The following RYR1 variants were observed in gnomAD, a reference collection of about 807,000 sequenced individuals.
The protein encoded by RYR1 is central core disease of muscle.
A neutral mutation model predicts 583.5 loss-of-function variants in RYR1; 342 were observed. The ratio of observed to expected loss-of-function variants is 0.59; its 90% CI spans 0.54 to 0.64. RYR1 has a LOEUF of 0.64. Among genes scored for constraint, RYR1 ranks in the 30% least tolerant of loss-of-function variants. The pLI is 0.00. For synonymous variants in RYR1, 2,791 were observed against 2,822.5 expected (o/e 0.99, Z 0.35); for missense variants, 6,032 against 6,917.2 (o/e 0.87, Z 4.54).
rs1599677767 is a variant in RYR1 at position 38,586,410 on chromosome 19, C to G, written c.14970-115C>G. 7 of 1,194,608 alleles carry G rather than the reference C, an allele frequency of 5.9e-6. No individual in the cohort carries two copies. The East Asian group carries it at 1.4e-4, about 24-fold the overall frequency. The allele number at this position is 1,194,608 out of a possible 1,614,324, so 74.0% of individuals were successfully genotyped here. A position where few individuals can be genotyped will look rare whatever the true frequency, so the allele number is the denominator to read the frequency against. On this transcript the variant is annotated intron_variant, in intron 104 of 105. Transcript: ENST00000359596. ...CCAAGTGGGGAGGATTACTTGAGGCCAGGAGTTCGAGACCAGCTTGGGCAA... is the reference window on the plus strand; with the variant it reads ...CCAAGTGGGGAGGATTACTTGAGGCGAGGAGTTCGAGACCAGCTTGGGCAA...
chr19:38,513,052 A>C (rs1329818031), intron 63 of RYR1, among the ~76,000 whole-genome samples: 1 of 152,086 alleles, frequency 6.6e-6, no homozygotes, highest in African/African-American at 2.4e-5. Flanking sequence ...GAAAAGTAGC[A>C]CTTGGCCGAG....
Position 38,433,728 on chromosome 19 carries a change from C to CA in RYR1, c.-101dup. On this transcript the variant is annotated 5_prime_UTR_variant, in exon 1 of 106. Transcript: ENST00000359596. Reference sequence around the variant, plus strand: ...ACCTCGCGGGTGCCTCTGGTGTCTCCAGAGGTCTCCGACCCCAGCCCGCCC... The same window carrying CA: ...ACCTCGCGGGTGCCTCTGGTGTCTCCAAGAGGTCTCCGACCCCAGCCCGCCC... 1 of 823,532 alleles carries CA rather than the reference C, an allele frequency of 1.2e-6. No homozygotes were observed. Among genetic ancestry groups the CA allele is most frequent in the Non-Finnish European group, 2.0e-6 (1 of 488,096 alleles). 51.0% of individuals were successfully genotyped at this position (823,532 alleles called of 1,614,324 possible). A position where few individuals can be genotyped will look rare whatever the true frequency, so the allele number is the denominator to read the frequency against.
At chr19:38,461,761 A>G (rs1025145139) in intron 20 of RYR1, among the ~76,000 whole-genome samples, 2 of 148,012 alleles carry the variant, frequency 1.4e-5, no homozygotes, top group African/African-American at 5.0e-5. Context: ...GAGAGAGAGA[A>G]AGAAAGAAAA....
chr19:38,564,967 G>A lies in RYR1; in HGVS notation c.12633G>A (p.Glu4211=). 1.3e-6 allele frequency: 2 copies of A among 1,584,402 alleles called. No individual in the cohort carries two copies. The highest frequency in any genetic ancestry group is 1.2e-5 in the South Asian group (1 of 86,502). The stretch of plus-strand genomic sequence containing the variant: ...GCCGCCCCTCGCTTCAGGTGAAGGA[G>A]TCCAAGCGCCAGTTCATCTTCGACG... ...RAQWEMPQVK[E]SKRQFIFDVV... is the part of the protein sequence containing the mutation. The change falls in exon 91 of 106, where the codon GAG becomes GAA. Residue 4211 remains glutamate, a synonymous_variant. Transcript: ENST00000359596.
chr19:38,506,558 C>T lies in RYR1; in HGVS notation c.8692+12C>T, dbSNP rs777710063. The T allele has an allele frequency of 2.5e-6, 4 of 1,613,468 alleles. No homozygotes were observed. Among genetic ancestry groups the T allele is most frequent in the African/African-American group, 2.7e-5 (2 of 74,892 alleles). On this transcript the variant is annotated intron_variant, in intron 56 of 105. Coordinates refer to ENST00000359596, the MANE Select transcript of RYR1 (RefSeq NM_000540.3). ...GCTGGAAGCCAAAGGTGAGGGCGCC[C>T]ATGCCGCCCCCACGCTACCCCCGTG...
chr19:38,448,221 C>A, intron 9 of RYR1, 134 bp from the exon 10 acceptor site: 1 of 1,019,792 alleles, frequency 9.8e-7, no homozygotes, highest in Non-Finnish European at 1.4e-6. Flanking sequence ...TGCTTGAGCC[C>A]TGGAGTTCAA....
At chr19:38,536,233 C>T (rs1971960152) in intron 82 of RYR1, among the ~76,000 whole-genome samples, 163 bp downstream of exon 82, 1 of 136,462 alleles carries the variant, frequency 7.3e-6, no homozygotes, top group African/African-American at 2.8e-5. Flanking sequence ...CAGTCCCACC[C>T]CCTCCATCCC....
intron 87 of RYR1, among the ~76,000 whole-genome samples, chr19:38,546,225 A>G (rs1600996316): frequency 6.6e-6 from 1 of 150,658 alleles, no homozygotes; most frequent in African/African-American, 2.4e-5. Flanking sequence ...ACTACCCATC[A>G]CCTATCGAGC....
rs562208980 is a variant in RYR1, at chr19:38,523,365, G to A, written c.10440+56G>A. 4 of 1,603,514 alleles carry A rather than the reference G, an allele frequency of 2.5e-6. No homozygotes were observed. The South Asian group carries it at 4.4e-5, about 18-fold the overall frequency. On this transcript the variant is annotated intron_variant, in intron 69 of 105. Coordinates refer to ENST00000359596, the MANE Select transcript of RYR1 (RefSeq NM_000540.3). ...GCAGAGAGGGCGGGAGCACCCTCTAGGACTTCCTACCTGGCCTGTCCTCAC... is the reference window on the plus strand; with the variant it reads ...GCAGAGAGGGCGGGAGCACCCTCTAAGACTTCCTACCTGGCCTGTCCTCAC...
In RYR1 at chr19:38,446,762, G is replaced by A; in HGVS notation, c.794G>A (p.Arg265Lys). The change falls in exon 9 of 106, where the codon AGA becomes AAA. Residue 265 changes from arginine (R) to lysine (K), a missense_variant. By Grantham distance (26) the Arg-to-Lys change is conservative. Transcript: ENST00000359596. ...TCCCTCTGGAGGCTGGAGCCACTGA[G>A]AATCAGGTAGGGCGGGGAAGATGGG... Reference protein sequence around the residue: ...ARSLWRLEPLRISWSGSHLRW... With the variant: ...ARSLWRLEPLKISWSGSHLRW... 4 of 1,613,556 alleles carry A rather than the reference G, an allele frequency of 2.5e-6. No homozygotes were observed. The highest frequency in any genetic ancestry group is 3.4e-6 in the Non-Finnish European group (4 of 1,179,758).
rs1428145196 is a variant in RYR1, at chr19:38,494,412, A to T, written c.6335A>T (p.Gln2112Leu). 5 of 1,611,984 alleles carry T rather than the reference A, an allele frequency of 3.1e-6. No homozygotes were observed. Among genetic ancestry groups the T allele is most frequent in the Non-Finnish European group, 4.2e-6 (5 of 1,180,026 alleles). Reference sequence around the variant, plus strand: ...CGCTGGGCCCAAGAGGACTTCGTGCAGAGCCCCGAGCTGGTGCGGGCCATG... The same window carrying T: ...CGCTGGGCCCAAGAGGACTTCGTGCTGAGCCCCGAGCTGGTGCGGGCCATG... The part of the protein sequence containing the change: ...VVRWAQEDFV[Q>L]SPELVRAMFS... Residue 2112 changes from glutamine (Q) to leucine (L), a missense_variant, in exon 39 of 106, where the codon CAG becomes CTG. Coordinates refer to ENST00000359596, the MANE Select transcript of RYR1 (RefSeq NM_000540.3).
At chr19:38,524,600 C>T (rs1262284894) in intron 70 of RYR1, among the ~76,000 whole-genome samples, 2 of 152,210 alleles carry the variant, frequency 1.3e-5, no homozygotes, top group African/African-American at 4.8e-5. Flanking sequence ...CTGGGGTGGC[C>T]CTGGCCCCGG....
At chr19:38,449,570 G>A (rs145971928) in intron 11 of RYR1, among the ~76,000 whole-genome samples, 51 of 152,330 alleles carry the variant, frequency 3.3e-4, no homozygotes, top group African/African-American at 1.0e-3. Flanking sequence ...GAGTACCCGC[G>A]TTGTTCTGGT....
chr19:38,517,164 G>A (rs1220025867), intron 65 of RYR1, among the ~76,000 whole-genome samples, 195 bp from the exon 66 acceptor site: 2 of 152,028 alleles, frequency 1.3e-5, no homozygotes, highest in East Asian at 1.9e-4. Context: ...TGAAGTGTTT[G>A]CGGGGCCACT....
chr19:38,525,926 G>A (rs538562212), intron 71 of RYR1, among the ~76,000 whole-genome samples: 1 of 151,776 alleles, frequency 6.6e-6, no homozygotes, highest in East Asian at 2.0e-4. Context: ...AGACCCTCAT[G>A]ACCCCTCCTT....
chr19:38,571,337 T>C (rs1973703667), intron 94 of RYR1, among the ~76,000 whole-genome samples: 1 of 152,018 alleles, frequency 6.6e-6, no homozygotes, highest in South Asian at 2.1e-4. Context: ...CTGTGGGGAT[T>C]GAAAGAGGAT....
At chr19:38,570,583 C>T (rs368515187) in intron 93 of RYR1, 24 bp from the exon 94 acceptor site, 18 of 1,590,944 alleles carry the variant, frequency 1.1e-5, no homozygotes, top group Non-Finnish European at 1.6e-5. Context: ...TGAGCGCTTT[C>T]TCTCTTTTTC....
rs1568587822 is a variant in RYR1 at position 38,567,933 on chromosome 19, G to A, written c.13659+16G>A. ...GAAGTTCCTGGTAAGGATCCAGCCA[G>A]GTCACCTGAACCTTCTTCTCCCCGG... is the stretch of plus-strand genomic sequence containing the variant. On this transcript the variant is annotated intron_variant, in intron 93 of 105. Transcript: ENST00000359596. 1.2e-6 allele frequency: 2 copies of A among 1,612,658 alleles called. No homozygotes were observed. The highest frequency in any genetic ancestry group is 1.7e-6 in the Non-Finnish European group (2 of 1,179,804).
At chr19:38,468,090 A>T (rs1350342712) in intron 25 of RYR1, among the ~76,000 whole-genome samples, 1 of 148,004 alleles carries the variant, frequency 6.8e-6, no homozygotes, top group Non-Finnish European at 1.5e-5. Flanking sequence ...CCATCCATCC[A>T]TCCAACCATC....
Sources: allele counts gnomAD v4.1 joint callset (sites outside exome capture counted in the v4.1 genomes callset), GRCh38; gene constraint gnomAD v4.1.1; transcripts MANE v1.5; gene names NCBI Gene and HGNC (gene_info 2026-07-23, HGNC 2026-07-21).